TRRAP: variants seen among roughly 807,000 people sequenced by gnomAD.
TRRAP encodes the protein transformation/transcription domain associated protein.
In TRRAP, 41 loss-of-function variants were observed where a neutral mutation model predicts 438.8. The ratio of observed to expected loss-of-function variants is 0.09; its 90% CI spans 0.07 to 0.12. TRRAP has a LOEUF of 0.12. TRRAP is among the 10% of genes least tolerant of loss of function. The probability of loss-of-function intolerance (pLI) is 1.00; values close to 1 mark genes in which losing one functional copy is unlikely to be tolerated. For missense variants in TRRAP, 3,122 were observed against 5,055.1 expected (o/e 0.62, Z 11.60); for synonymous variants, 1,994 against 1,962.9 (o/e 1.02, Z -0.42).
intron 18 of TRRAP, among the ~76,000 whole-genome samples, chr7:98,915,515 A>G (rs1562939534): frequency 6.6e-6 from 1 of 152,120 alleles, no homozygotes; most frequent in Non-Finnish European, 1.5e-5. Context: ...TTTGCATTTC[A>G]TTTGTTACAG....
At chr7:98,916,850 G>GCTTCT (rs1554409609) in intron 19 of TRRAP, among the ~76,000 whole-genome samples, 1 of 152,130 alleles carries the variant, frequency 6.6e-6, no homozygotes, top group Non-Finnish European at 1.5e-5. Flanking sequence ...ATCCCTGATG[G>GCTTCT]CTTCTCTTCT....
chr7:98,945,652 T>G, intron 31 of TRRAP, 95 bp from the exon 32 acceptor site: 2 of 1,429,426 alleles, frequency 1.4e-6, no homozygotes, highest in Non-Finnish European at 1.9e-6. Flanking sequence ...TACTGTCTTG[T>G]TAACCCCAAT....
At chr7:98,947,106 G>A (rs1351927688) in intron 33 of TRRAP, among the ~76,000 whole-genome samples, 3 of 152,186 alleles carry the variant, frequency 2.0e-5, no homozygotes, top group Non-Finnish European at 2.9e-5. Context: ...CCCGAGGATC[G>A]CAGCGCGCAC....
chr7:98,885,308 C>T (rs1006350671), intron 3 of TRRAP, among the ~76,000 whole-genome samples: 1 of 151,448 alleles, frequency 6.6e-6, no homozygotes, highest in Admixed American at 6.6e-5. Context: ...TGGTTGAACT[C>T]TGGGCTCAAG....
intron 1 of TRRAP, among the ~76,000 whole-genome samples, chr7:98,880,624 A>G (rs1795385985): frequency 6.6e-6 from 1 of 152,092 alleles, no homozygotes; most frequent in Non-Finnish European, 1.5e-5. Flanking sequence ...ATGGCTGGGG[A>G]AAAGAGGAAG....
rs1207642651 is a variant in TRRAP, at chr7:99,012,465, T to A, written c.*110T>A. 30 of 1,298,498 alleles carry A rather than the reference T, an allele frequency of 2.3e-5. No individual in the cohort carries two copies. The East Asian group carries it at 4.8e-4, about 21-fold the overall frequency. The allele number at this position is 1,298,498 out of a possible 1,614,324, so 80.4% of individuals were successfully genotyped here. On this transcript the variant is annotated 3_prime_UTR_variant, in exon 73 of 73. Transcript: ENST00000456197. This position sits in a 1 kb window ranked among gnomAD's most constrained non-coding sequence, Gnocchi z 5.9. Reference sequence around the variant, plus strand: ...CTTATATTCACAGAAGCCCCATAGTTTCACTGGGTTGCGGTTATTTTCCTG... The same window carrying A: ...CTTATATTCACAGAAGCCCCATAGTATCACTGGGTTGCGGTTATTTTCCTG...
intron 39 of TRRAP, among the ~76,000 whole-genome samples, chr7:98,951,933 C>G (rs529345253): frequency 6.6e-6 from 1 of 152,264 alleles, no homozygotes; most frequent in African/African-American, 2.4e-5. Context: ...GGCTGTGTCT[C>G]CTGGGTCAGA....
Position 98,930,697 on chromosome 7 carries a change from C to A in TRRAP, c.3458C>A (p.Ala1153Glu), listed in dbSNP as rs1790288148. 1 of 1,614,196 alleles carries A rather than the reference C, an allele frequency of 6.2e-7. No homozygotes were observed. The highest frequency in any genetic ancestry group is 8.5e-7 in the Non-Finnish European group (1 of 1,180,044). ...ERLCACCYEQ[A>E]WYAKLGGVVS... ...CTGTGTGCATGTTGTTATGAACAGG[C>A]GTGGTATGCAAAGCTGGGGGGTGTG... Residue 1153 changes from alanine (A) to glutamate (E), a missense_variant, in exon 25 of 73, where the codon GCG (alanine) becomes GAG (glutamate). Physicochemically the swap from Ala to Glu is moderately radical, Grantham distance 107 (BLOSUM62 -1). Transcript: ENST00000456197.
chr7:99,004,162 A>G (rs1234529321), intron 67 of TRRAP, 28 bp from the exon 68 acceptor site: 1 of 1,598,332 alleles, frequency 6.3e-7, no homozygotes, highest in African/African-American at 1.4e-5. Context: ...ATGACTAAAA[A>G]CGTTTTTAAT....
At chr7:98,952,275 C>A (rs1415591364) in intron 39 of TRRAP, among the ~76,000 whole-genome samples, 2 of 152,202 alleles carry the variant, frequency 1.3e-5, no homozygotes, top group African/African-American at 4.8e-5. Context: ...CTTAAAAAAT[C>A]TGTCAGATGC....
Position 98,965,888 on chromosome 7 carries a change from C to T in TRRAP, c.7169C>T (p.Ala2390Val). The T allele has an allele frequency of 5.0e-6, 8 of 1,614,102 alleles. No individual in the cohort carries two copies. Among genetic ancestry groups the T allele is most frequent in the Non-Finnish European group, 6.8e-6 (8 of 1,180,014 alleles). The change falls in exon 49 of 73, where the codon GCC becomes GTC. Residue 2390 changes from alanine to valine, a missense_variant. By Grantham distance (64) the Ala-to-Val change is moderately conservative (BLOSUM62 0). Coordinates refer to ENST00000456197, the MANE Select transcript of TRRAP (RefSeq NM_001375524.1). ...GTCAAGAATAACTCCCCAATGGCAG[C>T]CAATCAGGTGAGCTGGGACGGTGTG... is the stretch of plus-strand genomic sequence containing the variant. ...EWVKNNSPMA[A>V]NQTPTLREKS...
At chr7:98,918,007 A>G (rs1789592667) in intron 20 of TRRAP, among the ~76,000 whole-genome samples, 1 of 151,726 alleles carries the variant, frequency 6.6e-6, no homozygotes, top group African/African-American at 2.4e-5. Context: ...CTGTAATCCC[A>G]GCTACTTGAG....
In TRRAP at chr7:98,897,817, C is replaced by T. The variant is rs782758558; in HGVS notation, c.584C>T (p.Thr195Met). 3 of 1,613,834 alleles carry T rather than the reference C, an allele frequency of 1.9e-6. No homozygotes were observed. Among genetic ancestry groups the T allele is most frequent in the South Asian group, 1.1e-5 (1 of 91,064 alleles). Residue 195 changes from threonine to methionine, a missense_variant, in exon 8 of 73, where the codon ACG becomes ATG. Around this residue, in one of 24 missense-constraint regions of TRRAP, gnomAD observed 343 missense variants for 564.0 expected, o/e 0.61. Transcript: ENST00000456197. ...PPPEMVGMIT[T>M]IAVKVNPERE... is the part of the protein sequence containing the mutation. ...CCAGAAATGGTTGGTATGATAACAA[C>T]GATTGCTGTGAAAGTCAACCCGGAG...
At chr7:98,922,817 T>C (rs2116472504) in intron 21 of TRRAP, among the ~76,000 whole-genome samples, 1 of 151,740 alleles carries the variant, frequency 6.6e-6, no homozygotes, top group Middle Eastern at 3.5e-3. Context: ...AGGCCCTCCC[T>C]TTGCTCTGGC....
rs763082757 is a variant in TRRAP, at chr7:99,011,526, A to G, written c.11328A>G (p.Pro3776=). 1 of 1,613,756 alleles carries G rather than the reference A, an allele frequency of 6.2e-7. No homozygotes were observed. Among genetic ancestry groups the G allele is most frequent in the East Asian group, 2.2e-5 (1 of 44,864 alleles). Residue 3776 remains proline, a synonymous_variant, in exon 72 of 73, where the codon CCA becomes CCG. Transcript: ENST00000456197. The surrounding 1 kb of genome is among the most constrained non-coding windows in gnomAD (Gnocchi z 7.1). The part of the protein sequence containing the change: ...MIAVARCFAQ[P]NFKVDGILKT... Reference sequence around the variant, plus strand: ...CGGTCGCCCGGTGCTTCGCCCAGCCAAACTTTAAGGTGGGTCTCCACGTCG... The same window carrying G: ...CGGTCGCCCGGTGCTTCGCCCAGCCGAACTTTAAGGTGGGTCTCCACGTCG...
At chr7:98,950,799 C>G in intron 38 of TRRAP, 77 bp from the exon 39 acceptor site, 2 of 1,453,292 alleles carry the variant, frequency 1.4e-6, no homozygotes, top group Non-Finnish European at 1.8e-6. Flanking sequence ...AAGGCCAAGA[C>G]TAGCTGTTCT....
chr7:98,888,098 C>T lies in TRRAP; in HGVS notation c.151-2237C>T, dbSNP rs1488018221. 2.6e-5 allele frequency among the ~76,000 whole-genome samples: 4 copies of T among 152,050 alleles called. No individual in the cohort carries two copies. The South Asian group carries it at 8.3e-4, about 32-fold the overall frequency. On this transcript the variant is annotated intron_variant, in intron 3 of 72. Transcript: ENST00000456197. The stretch of plus-strand genomic sequence containing the variant: ...ACAAAAAATTAGCCGGGCCTGGTGG[C>T]GGGCGCCTGTAGTCCCAGCTACTTG...
intron 46 of TRRAP, among the ~76,000 whole-genome samples, chr7:98,961,915 C>T (rs995949138): frequency 1.3e-5 from 2 of 152,118 alleles, no homozygotes; most frequent in African/African-American, 4.8e-5. Context: ...AGCAAAACTC[C>T]ATCTCAAAAA....
rs2116516463 is a variant in TRRAP, at chr7:98,931,587, G to A, written c.3774G>A (p.Lys1258=). The change falls in exon 26 of 73, where the codon AAG becomes AAA. Residue 1258 remains lysine (K), a synonymous_variant. Coordinates refer to ENST00000456197, the MANE Select transcript of TRRAP (RefSeq NM_001375524.1). ...EVTSPNSTVR[K]QAMHSLQVLA... ...CCTCTCCAAACTCCACTGTGAGGAAGCAGGCCATGCATTCGCTGCAGGTGT... is the reference window on the plus strand; with the variant it reads ...CCTCTCCAAACTCCACTGTGAGGAAACAGGCCATGCATTCGCTGCAGGTGT... 1.9e-6 allele frequency: 3 copies of A among 1,614,242 alleles called. No homozygotes were observed. The highest frequency in any genetic ancestry group is 2.5e-6 in the Non-Finnish European group (3 of 1,180,042).
Sources: gnomAD v4.1 joint callset for allele counts (sites outside exome capture counted in the v4.1 genomes callset) on GRCh38, gnomAD v4.1.1 for gene constraint, gnomAD v4.1.1 regional missense constraint, Gnocchi (gnomAD v3.1) non-coding constraint, MANE v1.5 for transcripts, NCBI Gene and HGNC (gene_info 2026-07-23, HGNC 2026-07-21) for gene names.